GALNTL6: variants seen among roughly 807,000 people sequenced by gnomAD.
GALNTL6 encodes polypeptide N-acetylgalactosaminyltransferase like 6.
Under a neutral mutation model 73.7 loss-of-function variants are expected in GALNTL6, and 46 were observed. The ratio of observed to expected loss-of-function variants is 0.62; its 90% CI spans 0.49 to 0.80. The LOEUF (loss-of-function observed/expected upper bound fraction) is 0.80. GALNTL6 is among the 30% of genes least tolerant of loss of function. GALNTL6 has a pLI of 0.00. For synonymous variants in GALNTL6, 259 were observed against 263.7 expected (o/e 0.98, Z 0.17); for missense variants, 604 against 755.0 (o/e 0.80, Z 2.34).
chr4:172,136,213 C>A (rs1185378351), intron 2 of GALNTL6, among the ~76,000 whole-genome samples: 1 of 151,996 alleles, frequency 6.6e-6, no homozygotes, highest in African/African-American at 2.4e-5. Flanking sequence ...CTCTATATTA[C>A]CTTTACCTTG....
chr4:172,580,096 T>C (rs1385734556), intron 5 of GALNTL6, among the ~76,000 whole-genome samples: 2 of 152,182 alleles, frequency 1.3e-5, no homozygotes, highest in Non-Finnish European at 2.9e-5. Flanking sequence ...TGAATGCTAT[T>C]TAAACAGATG....
chr4:172,185,183 T>C lies in GALNTL6; in HGVS notation c.139-44473T>C, dbSNP rs1315726406. On this transcript the variant is annotated intron_variant, in intron 2 of 12. Coordinates refer to ENST00000506823, the MANE Select transcript of GALNTL6 (RefSeq NM_001034845.3). ...TATAGAGGAAGAGTGGAATTAAATT[T>C]GGAGACTCAAATAAAATATCAGGCA... Among the ~76,000 whole-genome samples the C allele has an allele frequency of 2.0e-5, 3 of 152,170 alleles. No individual in the cohort carries two copies. In the East Asian group the frequency reaches 5.8e-4, roughly 29 times the overall value.
chr4:172,561,759 T>C (rs1328149433), intron 5 of GALNTL6, among the ~76,000 whole-genome samples: 2 of 152,326 alleles, frequency 1.3e-5, no homozygotes, highest in East Asian at 3.9e-4. Context: ...AATACACCAA[T>C]TAAACCACAA....
intron 2 of GALNTL6, among the ~76,000 whole-genome samples, chr4:171,914,511 A>G (rs1399175575): frequency 2.1e-5 from 3 of 144,220 alleles, no homozygotes; most frequent in Non-Finnish European, 3.0e-5. Context: ...GCTCACTGCA[A>G]CCTCCACCTC....
At chr4:172,096,216 A>AAATAG (rs1732352817) in intron 2 of GALNTL6, among the ~76,000 whole-genome samples, 1 of 151,542 alleles carries the variant, frequency 6.6e-6, no homozygotes, top group African/African-American at 2.4e-5. Flanking sequence ...TAATCCTCCC[A>AAATAG]CCTCAGCCTC....
At chr4:172,206,814 G>GTTTTTTTTTTTTTTTTTTTT (rs796625697) in intron 2 of GALNTL6, among the ~76,000 whole-genome samples, 4 of 57,962 alleles carry the variant, frequency 6.9e-5, no homozygotes, top group African/African-American at 1.5e-4. Flanking sequence ...TGTTTTTTTT[G>GTTTTTTTTTTTTTTTTTTTT]TTTGTTTTTT....
chr4:172,487,731 C>T (rs969060164), intron 5 of GALNTL6, among the ~76,000 whole-genome samples: 1 of 152,096 alleles, frequency 6.6e-6, no homozygotes, highest in Non-Finnish European at 1.5e-5. Flanking sequence ...TGTGGCAGTT[C>T]ATTCCTCAAT....
At chr4:172,708,082 G>A (rs1173745030) in intron 5 of GALNTL6, among the ~76,000 whole-genome samples, 15 of 152,064 alleles carry the variant, frequency 9.9e-5, no homozygotes, top group African/African-American at 2.2e-4. Flanking sequence ...TTTTCTCCTC[G>A]CTTTGTTGCC....
At chr4:171,923,208 G>A (rs1283266321) in intron 2 of GALNTL6, among the ~76,000 whole-genome samples, 1 of 152,038 alleles carries the variant, frequency 6.6e-6, no homozygotes, top group African/African-American at 2.4e-5. Flanking sequence ...TTCAATTTAT[G>A]GAGAGTTCTT....
intron 2 of GALNTL6, among the ~76,000 whole-genome samples, chr4:172,052,841 T>C (rs1424478956): frequency 2.0e-5 from 3 of 152,226 alleles, no homozygotes; most frequent in East Asian, 3.9e-4. Context: ...TAAACATACA[T>C]ACATATTCAC....
intron 3 of GALNTL6, among the ~76,000 whole-genome samples, chr4:172,299,414 T>C (rs962572244): frequency 2.0e-5 from 3 of 152,214 alleles, no homozygotes; most frequent in Non-Finnish European, 2.9e-5. Context: ...TACTAGCTTT[T>C]GAATGTGTTT....
At chr4:172,439,172 TCACA>T (rs57281407) in intron 5 of GALNTL6, among the ~76,000 whole-genome samples, 64,038 of 145,424 alleles carry the variant, frequency 0.44, 14,631 homozygotes, top group South Asian at 0.57. Context: ...TCTCTCCCCT[TCACA>T]CACACACACA....
chr4:172,954,605 T>C (rs1049259960), intron 10 of GALNTL6, among the ~76,000 whole-genome samples: 5 of 152,124 alleles, frequency 3.3e-5, no homozygotes, highest in African/African-American at 1.2e-4. Flanking sequence ...TAGCCCAGAC[T>C]ACACATTCAC....
chr4:171,928,528 T>C (rs1738065202), intron 2 of GALNTL6, among the ~76,000 whole-genome samples: 1 of 152,234 alleles, frequency 6.6e-6, no homozygotes, highest in Non-Finnish European at 1.5e-5. Context: ...ATGAATCATG[T>C]TCATTGCTTA....
At chr4:172,977,744 T>TA (rs1750884578) in intron 10 of GALNTL6, among the ~76,000 whole-genome samples, 1 of 152,146 alleles carries the variant, frequency 6.6e-6, no homozygotes, top group Non-Finnish European at 1.5e-5. Context: ...AGGAAGCATG[T>TA]TCTGGGTGGT....
intron 5 of GALNTL6, among the ~76,000 whole-genome samples, chr4:172,636,178 C>G (rs527826907): frequency 6.6e-6 from 1 of 152,056 alleles, no homozygotes; most frequent in Non-Finnish European, 1.5e-5. Flanking sequence ...ATAGAAATTA[C>G]CCTATTGTTG....
intron 2 of GALNTL6, among the ~76,000 whole-genome samples, chr4:171,880,931 G>A (rs1003952530): frequency 2.6e-5 from 4 of 151,940 alleles, no homozygotes; most frequent in South Asian, 2.1e-4. Context: ...TACTAAGCTC[G>A]AAACTAAGGC....
intron 5 of GALNTL6, among the ~76,000 whole-genome samples, chr4:172,420,302 G>A (rs462761): frequency 0.87 from 132,123 of 152,202 alleles, 57,395 homozygotes; most frequent in South Asian, 0.89. Context: ...GGGATAGTCC[G>A]TGGTGTAGCA....
intron 2 of GALNTL6, among the ~76,000 whole-genome samples, chr4:171,890,175 G>A (rs938069898): frequency 1.3e-5 from 2 of 152,046 alleles, no homozygotes; most frequent in African/African-American, 4.8e-5. Context: ...TTTAACAGCT[G>A]AGGTCTATTT....
Sources: allele counts gnomAD v4.1 joint callset (sites outside exome capture counted in the v4.1 genomes callset), GRCh38; gene constraint gnomAD v4.1.1; transcripts MANE v1.5; gene names NCBI Gene and HGNC (gene_info 2026-07-23, HGNC 2026-07-21).